IGFBP7: variants seen among roughly 807,000 people sequenced by gnomAD.
IGFBP7 encodes the protein insulin-like growth factor-binding protein 7.
IGFBP7 carries 31 observed loss-of-function variants against 29.4 expected under a neutral mutation model. That is an observed-to-expected ratio of 1.05 (90% CI 0.79 to 1.42). The LOEUF (loss-of-function observed/expected upper bound fraction) is 1.42. Among genes scored for constraint, IGFBP7 ranks in the 40% most tolerant of loss-of-function variants. The pLI is 0.00. For synonymous variants in IGFBP7, 172 were observed against 174.9 expected, an observed-to-expected ratio of 0.98 and a Z score of 0.13; for missense variants, 393 against 395.5, an observed-to-expected ratio of 0.99 and a Z score of 0.05.
chr4:57,050,104 A>G (rs1220638264), intron 1 of IGFBP7, among the ~76,000 whole-genome samples: 1 of 151,642 alleles, frequency 6.6e-6, no homozygotes, highest in Non-Finnish European at 1.5e-5. Context: ...ATTTGAATAT[A>G]CATCACTTGA....
chr4:57,056,880 T>G (rs1276389557), intron 1 of IGFBP7, among the ~76,000 whole-genome samples: 1 of 152,270 alleles, frequency 6.6e-6, no homozygotes, highest in Non-Finnish European at 1.5e-5. Context: ...TTTTAGGCAG[T>G]GATTATTTTT....
In IGFBP7 at chr4:57,090,693, A is replaced by G. The variant is rs900278642; in HGVS notation, c.475+19184T>C. Among the ~76,000 whole-genome samples, 12 of 151,910 alleles carry G rather than the reference A, an allele frequency of 7.9e-5. 1 individual carries two copies. Among genetic ancestry groups the G allele is most frequent in the Admixed American group, 7.2e-4 (11 of 15,242 alleles). On this transcript the variant is annotated intron_variant, in intron 1 of 4. Transcript: ENST00000295666. ...CTCTACTAAAAATACCCATACACAC[A>G]CAAAAATAGCCAGGTGTGGTGGTGC...
In IGFBP7 at chr4:57,106,031, C is replaced by T. The variant is rs140456515; in HGVS notation, c.475+3846G>A. Among the ~76,000 whole-genome samples the T allele has an allele frequency of 6.5e-3, 983 of 151,664 alleles. 6 individuals carry two copies. The highest frequency in any genetic ancestry group is 0.023 in the African/African-American group (935 of 41,264). ...ACGCCATTCTCCTGCCTCAGCCTCC[C>T]GAGTAGCTGGGACTACAGGTGCCCG... On this transcript the variant is annotated intron_variant, in intron 1 of 4. Coordinates refer to ENST00000295666, the MANE Select transcript of IGFBP7 (RefSeq NM_001553.3).
intron 1 of IGFBP7, among the ~76,000 whole-genome samples, chr4:57,052,195 G>A (rs1348341894): frequency 2.0e-5 from 3 of 152,114 alleles, no homozygotes; most frequent in African/African-American, 7.2e-5. Flanking sequence ...GGGAAGACTT[G>A]GGGGATTATT....
chr4:57,070,758 C>A (rs1361146644), intron 1 of IGFBP7, among the ~76,000 whole-genome samples: 2 of 152,196 alleles, frequency 1.3e-5, no homozygotes, highest in East Asian at 3.9e-4. Flanking sequence ...ACAACACAAG[C>A]CAGCTCACAA....
chr4:57,109,283 C>A (rs4865188), intron 1 of IGFBP7, among the ~76,000 whole-genome samples: 149,340 of 152,224 alleles, frequency 0.98, 73,312 homozygotes, highest in East Asian at 1. Context: ...AAACAAAAAA[C>A]CAAAAATTGG....
chr4:57,035,008 G>A (rs886414171), intron 2 of IGFBP7, among the ~76,000 whole-genome samples: 3 of 152,186 alleles, frequency 2.0e-5, no homozygotes, highest in Admixed American at 6.5e-5. Context: ...GAATATTTTG[G>A]TAGAAGTATT....
intron 1 of IGFBP7, among the ~76,000 whole-genome samples, chr4:57,052,114 G>T (rs1235061361): frequency 6.6e-6 from 1 of 152,096 alleles, no homozygotes; most frequent in Non-Finnish European, 1.5e-5. Context: ...GGAGGTCTCC[G>T]CATCAGGATG....
intron 1 of IGFBP7, among the ~76,000 whole-genome samples, chr4:57,102,102 G>T (rs771706291): frequency 3.9e-5 from 6 of 152,164 alleles, no homozygotes; most frequent in Non-Finnish European, 8.8e-5. Flanking sequence ...TTGTTTGTGG[G>T]GTAGGGGTGG....
At chr4:57,051,432 T>C (rs767276678) in intron 1 of IGFBP7, among the ~76,000 whole-genome samples, 4 of 152,210 alleles carry the variant, frequency 2.6e-5, no homozygotes, top group Admixed American at 6.5e-5. Context: ...GCTTTTAGTT[T>C]AAGGCAAATT....
At chr4:57,091,564 A>G (rs1725636136) in intron 1 of IGFBP7, among the ~76,000 whole-genome samples, 1 of 152,224 alleles carries the variant, frequency 6.6e-6, no homozygotes, top group Non-Finnish European at 1.5e-5. Context: ...AGGATTAAAA[A>G]AGGTGATATG....
intron 1 of IGFBP7, among the ~76,000 whole-genome samples, chr4:57,066,149 G>T (rs1322013121): frequency 6.6e-6 from 1 of 152,152 alleles, no homozygotes; most frequent in African/African-American, 2.4e-5. Flanking sequence ...CTTGAGTGTG[G>T]TCTGTACTTA....
intron 1 of IGFBP7, chr4:57,109,625 C>T: frequency 1.8e-6 from 1 of 552,634 alleles, no homozygotes; most frequent in Non-Finnish European, 3.1e-6. Context: ...TACATATACA[C>T]CCGGCCCTCA....
intron 1 of IGFBP7, among the ~76,000 whole-genome samples, chr4:57,089,386 T>TA (rs1725580955): frequency 6.6e-6 from 1 of 152,226 alleles, no homozygotes; most frequent in Non-Finnish European, 1.5e-5. Flanking sequence ...TGGTAGCCAT[T>TA]ATTTCTGTGA....
At chr4:57,109,805 G>A in intron 1 of IGFBP7, 72 bp downstream of exon 1, 1 of 1,463,472 alleles carries the variant, frequency 6.8e-7, no homozygotes, top group Non-Finnish European at 9.0e-7. Context: ...AGGCCGCCGC[G>A]GACGCCCCGT....
intron 1 of IGFBP7, among the ~76,000 whole-genome samples, chr4:57,075,454 G>A (rs1316658671): frequency 6.6e-6 from 1 of 151,862 alleles, no homozygotes; most frequent in Non-Finnish European, 1.5e-5. Flanking sequence ...GCCCCTGCAG[G>A]AGTGATCAAA....
chr4:57,057,652 C>T (rs1216479258), intron 1 of IGFBP7, among the ~76,000 whole-genome samples: 3 of 152,130 alleles, frequency 2.0e-5, no homozygotes, highest in African/African-American at 7.2e-5. Flanking sequence ...CTCATCCTTG[C>T]TTTTTGGGTA....
chr4:57,033,251 G>T lies in IGFBP7; in HGVS notation c.646C>A (p.Leu216Met), dbSNP rs1169328108. 6.2e-7 allele frequency: 1 copy of T among 1,614,178 alleles called. No homozygotes were observed. Among genetic ancestry groups the T allele is most frequent in the Admixed American group, 1.7e-5 (1 of 60,028 alleles). Reference protein sequence around the residue: ...TELLPGDRDNLAIQTRGGPEK... With the variant: ...TELLPGDRDNMAIQTRGGPEK... ...GGGCCACCCCGGGTCTGAATGGCCA[G>T]GTTGTCCCGGTCACCAGGCAGGAGT... The change falls in exon 3 of 5, where the codon CTG (leucine) becomes ATG (methionine). Residue 216 changes from leucine (L) to methionine (M), a missense_variant. Transcript: ENST00000295666.
intron 2 of IGFBP7, 141 bp downstream of exon 2, chr4:57,040,683 G>A: frequency 2.9e-6 from 2 of 690,854 alleles, no homozygotes; most frequent in Middle Eastern, 3.8e-4. Flanking sequence ...CAGGGGAGGG[G>A]CCTGTATGAC....
Sources: gnomAD v4.1 joint callset for allele counts (sites outside exome capture counted in the v4.1 genomes callset) on GRCh38, gnomAD v4.1.1 for gene constraint, MANE v1.5 for transcripts, NCBI Gene and HGNC (gene_info 2026-07-23, HGNC 2026-07-21) for gene names.